Variants in SERPINB8 observed in about 807,000 individuals in gnomAD.
SERPINB8 encodes the protein serpin B8.
SERPINB8 carries 25 observed loss-of-function variants against 35.3 expected under a neutral mutation model. That is an observed-to-expected ratio of 0.71 (90% CI 0.52 to 0.99). The LOEUF is 0.99. Among genes scored for constraint, SERPINB8 ranks in the 50% least tolerant of loss-of-function variants. The pLI is 0.00. For synonymous variants in SERPINB8, 186 were observed against 160.8 expected (o/e 1.16, Z -1.19); for missense variants, 484 against 446.5 (o/e 1.08, Z -0.76).
chr18:63,989,945 A>C (rs2050814291), downstream of SERPINB8, among the ~76,000 whole-genome samples: 1 of 112,040 alleles, frequency 8.9e-6, no homozygotes, highest in Non-Finnish European at 1.9e-5. Flanking sequence ...TCTGTCTCAA[A>C]AAAAAAAAAA....
chr18:63,986,875 T>C lies in SERPINB8; in HGVS notation c.722T>C (p.Val241Ala). 1.2e-6 allele frequency: 2 copies of C among 1,602,802 alleles called. No homozygotes were observed. The highest frequency in any genetic ancestry group is 1.7e-6 in the Non-Finnish European group (2 of 1,175,732). ...AGGTTTGAGTCTTTCTTATCCTAGG[T>C]GGAAAAAGCACTTACATATGAGAAA... ...LPDDNTDLAV[V>A]EKALTYEKFK... The change falls in exon 7 of 7, where the codon GTG becomes GCG. Residue 241 changes from valine to alanine, a missense_variant and splice_region_variant. Val to Ala is a moderately conservative substitution (Grantham distance 64). Transcript: ENST00000397985.
intron 1 of SERPINB8, among the ~76,000 whole-genome samples, chr18:63,974,397 A>G (rs982885089): frequency 6.6e-6 from 1 of 152,080 alleles, no homozygotes; most frequent in African/African-American, 2.4e-5. Flanking sequence ...GGAGTGGAGG[A>G]GGTAGTTCGT....
Position 63,987,117 on chromosome 18 carries a change from A to G in SERPINB8, c.964A>G (p.Asn322Asp), listed in dbSNP as rs375152322. 7.4e-6 allele frequency: 12 copies of G among 1,614,068 alleles called. No homozygotes were observed. The highest frequency in any genetic ancestry group is 1.0e-5 in the Non-Finnish European group (12 of 1,180,032). ...KVAHKCFVEV[N>D]EEGTEAAAAT... ...TGCCCACAAGTGCTTCGTGGAGGTC[A>G]ATGAGGAAGGCACAGAGGCTGCCGC... Residue 322 changes from asparagine (N) to aspartate (D), a missense_variant, in exon 7 of 7, where the codon AAT (asparagine) becomes GAT (aspartate). Physicochemically the swap from Asn to Asp is conservative, Grantham distance 23. Coordinates refer to ENST00000397985, the MANE Select transcript of SERPINB8 (RefSeq NM_002640.4).
At chr18:64,013,055 C>A (rs1744926101) in intron 7 of SERPINB8, among the ~76,000 whole-genome samples, 1 of 152,118 alleles carries the variant, frequency 6.6e-6, no homozygotes. Flanking sequence ...CTCAGGGCAG[C>A]TTTTAAGAAT....
In SERPINB8 at chr18:63,981,820, G is replaced by A. The variant is rs1196399263; in HGVS notation, c.406G>A (p.Val136Met). 1 of 1,611,474 alleles carries A rather than the reference G, an allele frequency of 6.2e-7. No individual in the cohort carries two copies. Among genetic ancestry groups the A allele is most frequent in the East Asian group, 2.2e-5 (1 of 44,858 alleles). The change falls in exon 4 of 7, where the codon GTG becomes ATG. Residue 136 changes from valine to methionine, a missense_variant. Physicochemically the swap from Val to Met is conservative, Grantham distance 21 (BLOSUM62 1). Coordinates refer to ENST00000397985, the MANE Select transcript of SERPINB8 (RefSeq NM_002640.4). The stretch of plus-strand genomic sequence containing the variant: ...GTGCAGGAAGCATATAAATGACTGG[G>A]TGGCAGAGAAGACTGAAGGTGAGAC... ...EECRKHINDW[V>M]AEKTEGKISE...
chr18:63,983,741 A>T lies in SERPINB8; in HGVS notation c.567+20A>T. The T allele has an allele frequency of 6.4e-7, 1 of 1,566,456 alleles. No individual in the cohort carries two copies. The highest frequency in any genetic ancestry group is 1.7e-5 in the Admixed American group (1 of 59,786). On this transcript the variant is annotated intron_variant, in intron 5 of 6. Coordinates refer to ENST00000397985, the MANE Select transcript of SERPINB8 (RefSeq NM_002640.4). ...AACGAGGTAGGGAAAGATTTTTCAG[A>T]TATACTGCTACTTTCTTAAAGTAAT...
exon 2 of SERPINB8, chr18:64,004,889 A>G (rs2144844754): frequency 5.0e-6 from 2 of 398,574 alleles, no homozygotes; most frequent in Non-Finnish European, 4.4e-6. Flanking sequence ...GTGTAAGTAC[A>G]GAAACATCAG....
downstream of SERPINB8, among the ~76,000 whole-genome samples, chr18:63,990,320 C>A (rs1268597406): frequency 6.6e-6 from 1 of 152,042 alleles, no homozygotes; most frequent in Non-Finnish European, 1.5e-5. Context: ...AGGTCATCTG[C>A]CCTCCTTGGC....
intron 1 of SERPINB8, among the ~76,000 whole-genome samples, chr18:63,972,736 GGT>G: frequency 6.7e-6 from 1 of 148,368 alleles, no homozygotes; most frequent in Admixed American, 6.9e-5. Flanking sequence ...GAGAACATGT[GGT>G]GTTTGGGTTT....
At chr18:64,005,420 AGAGGTGGGACC>A (rs377195018) in exon 2 of SERPINB8, 89,899 of 151,940 alleles carry the variant, frequency 0.59, 26,910 homozygotes, top group East Asian at 0.69. Context: ...ATCAGTATTA[AGAGGTGGGACC>A]TTTGGGAGGT....
At chr18:64,010,506 A>T (rs1450798399), downstream of SERPINB8, among the ~76,000 whole-genome samples, 1 of 152,136 alleles carries the variant, frequency 6.6e-6, no homozygotes, top group African/African-American at 2.4e-5. Context: ...ATGATATTGC[A>T]CTCATACAGT....
At chr18:64,001,400 G>A (rs1211674933) in intron 1 of SERPINB8, among the ~76,000 whole-genome samples, 1 of 152,030 alleles carries the variant, frequency 6.6e-6, no homozygotes, top group African/African-American at 2.4e-5. Flanking sequence ...AATCAGAGTG[G>A]GGACCTAAGG....
chr18:63,983,561 C>A lies in SERPINB8; in HGVS notation c.425-18C>A, dbSNP rs1287444648. ...TTATTTCCCCACAAATTGCAATAAACTCTCATATTCTTTATAGGTAAGATT... is the reference window on the plus strand; with the variant it reads ...TTATTTCCCCACAAATTGCAATAAAATCTCATATTCTTTATAGGTAAGATT... On this transcript the variant is annotated intron_variant, in intron 4 of 6. Coordinates refer to ENST00000397985, the MANE Select transcript of SERPINB8 (RefSeq NM_002640.4). 2.5e-6 allele frequency: 4 copies of A among 1,609,484 alleles called. No homozygotes were observed. The highest frequency in any genetic ancestry group is 2.5e-6 in the Non-Finnish European group (3 of 1,176,748).
chr18:63,984,293 G>A (rs566966342), intron 5 of SERPINB8, among the ~76,000 whole-genome samples: 1 of 152,308 alleles, frequency 6.6e-6, no homozygotes, highest in South Asian at 2.1e-4. Context: ...TTGGATTGGA[G>A]GAGAATTTCT....
At chr18:63,978,179 G>A (rs1355603670) in intron 1 of SERPINB8, 120 bp from the exon 2 acceptor site, 1 of 993,174 alleles carries the variant, frequency 1.0e-6, no homozygotes, top group Non-Finnish European at 1.5e-6. Flanking sequence ...AGGAGTGGAA[G>A]TCTTTGGAGG....
chr18:63,975,776 G>A (rs547516931), intron 1 of SERPINB8, among the ~76,000 whole-genome samples: 1 of 152,236 alleles, frequency 6.6e-6, no homozygotes, highest in East Asian at 1.9e-4. Flanking sequence ...TTAGGAGGAA[G>A]CGAAATATCT....
chr18:63,980,401 T>G (rs1352886032), intron 3 of SERPINB8, among the ~76,000 whole-genome samples: 3 of 152,270 alleles, frequency 2.0e-5, no homozygotes, highest in African/African-American at 7.2e-5. Context: ...CAGTTTCTAT[T>G]TACTTCAGCA....
intron 1 of SERPINB8, among the ~76,000 whole-genome samples, chr18:63,977,765 T>G (rs1234194879): frequency 2.0e-5 from 3 of 152,242 alleles, no homozygotes; most frequent in Non-Finnish European, 4.4e-5. Context: ...CCAGTGTTTT[T>G]GTTTCCTATT....
chr18:64,009,428 C>T (rs1258776147), downstream of SERPINB8, among the ~76,000 whole-genome samples: 1 of 152,172 alleles, frequency 6.6e-6, no homozygotes, highest in East Asian at 1.9e-4. Context: ...TTTGCTTTAG[C>T]AGACATTAAA....
Sources: gnomAD v4.1 joint callset for allele counts (sites outside exome capture counted in the v4.1 genomes callset) on GRCh38, gnomAD v4.1.1 for gene constraint, MANE v1.5 for transcripts, NCBI Gene and HGNC (gene_info 2026-07-23, HGNC 2026-07-21) for gene names.